Variants in GRIK3 observed in about 807,000 individuals in gnomAD.
GRIK3 encodes glutamate ionotropic receptor kainate type subunit 3.
In GRIK3, 29 loss-of-function variants were observed where a neutral mutation model predicts 102.5. The observed-to-expected ratio is 0.28, with a 90% CI of 0.21 to 0.39. The LOEUF is 0.39. Among genes scored for constraint, GRIK3 ranks in the 10% least tolerant of loss-of-function variants. The probability of loss-of-function intolerance (pLI) is 1.00; values close to 1 mark genes in which losing one functional copy is unlikely to be tolerated. For missense variants in GRIK3, 908 were observed against 1,252.4 expected, an observed-to-expected ratio of 0.73 and a Z score of 4.15; for synonymous variants, 511 against 504.9, an observed-to-expected ratio of 1.01 and a Z score of -0.16.
intron 3 of GRIK3, among the ~76,000 whole-genome samples, chr1:36,878,396 A>G (rs1263419127): frequency 6.6e-6 from 1 of 152,258 alleles, no homozygotes; most frequent in Non-Finnish European, 1.5e-5. Flanking sequence ...AGATGCTTGT[A>G]GAAGCCTGAG....
intron 1 of GRIK3, among the ~76,000 whole-genome samples, chr1:36,894,215 T>C (rs982797929): frequency 3.3e-5 from 5 of 152,232 alleles, no homozygotes; most frequent in Non-Finnish European, 7.3e-5. Flanking sequence ...ATTTACTTTT[T>C]GTCTTTTCTG....
intron 1 of GRIK3, among the ~76,000 whole-genome samples, chr1:36,912,578 A>T (rs552257): frequency 6.6e-6 from 1 of 151,884 alleles, no homozygotes; most frequent in Non-Finnish European, 1.5e-5. Flanking sequence ...AGCCCTCCTC[A>T]CAGGGCTTGC....
intron 1 of GRIK3, among the ~76,000 whole-genome samples, chr1:37,028,768 G>A (rs113636832): frequency 6.6e-6 from 1 of 152,140 alleles, no homozygotes; most frequent in Admixed American, 6.5e-5. Context: ...CACTTCTACC[G>A]CTCACTGGCT....
intron 3 of GRIK3, among the ~76,000 whole-genome samples, chr1:36,876,849 T>C (rs895303758): frequency 4.6e-5 from 7 of 152,238 alleles, no homozygotes; most frequent in African/African-American, 1.7e-4. Flanking sequence ...CACTGACCCA[T>C]TGACTCCCCT....
In GRIK3 at chr1:36,841,829, G is replaced by A. The variant is rs1317626120; in HGVS notation, c.1437C>T (p.Phe479=). The change falls in exon 10 of 16, where the codon TTC becomes TTT. Residue 479 remains phenylalanine (F), a synonymous_variant. Coordinates refer to ENST00000373091, the MANE Select transcript of GRIK3 (RefSeq NM_000831.4). The part of the protein sequence containing the change: ...LLKELAHILG[F]SYEIRLVEDG... Reference sequence around the variant, plus strand: ...CCTCCACCAGCCGGATCTCATAGGAGAAACCAAGGATGTGGGCCAGCTCCT... The same window carrying A: ...CCTCCACCAGCCGGATCTCATAGGAAAAACCAAGGATGTGGGCCAGCTCCT... The A allele has an allele frequency of 1.2e-6, 2 of 1,614,172 alleles. No homozygotes were observed. Among genetic ancestry groups the A allele is most frequent in the Non-Finnish European group, 1.7e-6 (2 of 1,180,018 alleles).
intron 10 of GRIK3, among the ~76,000 whole-genome samples, chr1:36,834,568 C>T (rs180912263): frequency 6.6e-6 from 1 of 152,124 alleles, no homozygotes; most frequent in African/African-American, 2.4e-5. Context: ...GGATGTCTGA[C>T]AGTGAGAAAG....
At chr1:36,905,257 C>A (rs1313691810) in intron 1 of GRIK3, among the ~76,000 whole-genome samples, 3 of 152,122 alleles carry the variant, frequency 2.0e-5, no homozygotes, top group Admixed American at 2.0e-4. Flanking sequence ...AATGGAGAGA[C>A]ATAACTTACT....
At chr1:36,990,619 A>C (rs16823744) in intron 1 of GRIK3, among the ~76,000 whole-genome samples, 47,413 of 152,114 alleles carry the variant, frequency 0.31, 10,598 homozygotes, top group African/African-American at 0.63. Context: ...ACTCAACTTG[A>C]GAAGGAGAAA....
chr1:36,956,056 C>T (rs1641902182), intron 1 of GRIK3, among the ~76,000 whole-genome samples: 2 of 152,230 alleles, frequency 1.3e-5, no homozygotes, highest in South Asian at 2.1e-4. Context: ...CCTGTGGGGG[C>T]TTCAGTGGCT....
At chr1:36,987,424 A>T (rs1319791241) in intron 1 of GRIK3, among the ~76,000 whole-genome samples, 1 of 152,198 alleles carries the variant, frequency 6.6e-6, no homozygotes, top group African/African-American at 2.4e-5. Context: ...GAGGTGAGGC[A>T]GGGAAGGGAA....
In GRIK3 at chr1:36,929,531, G is replaced by T. The variant is rs149012308; in HGVS notation, c.116-38435C>A. Among the ~76,000 whole-genome samples the T allele has an allele frequency of 1.2e-3, 177 of 152,182 alleles. 1 individual carries two copies. Among genetic ancestry groups the T allele is most frequent in the Non-Finnish European group, 1.1e-3 (77 of 68,004 alleles). ...ATTTCTGGAAATCTCAGGCACAAAG[G>T]GTGTCCATCATCATGTGGGTTTGAG... On this transcript the variant is annotated intron_variant, in intron 1 of 15. Transcript: ENST00000373091.
chr1:37,023,326 C>CAA (rs34286119), intron 1 of GRIK3, among the ~76,000 whole-genome samples: 2 of 118,944 alleles, frequency 1.7e-5, no homozygotes, highest in Non-Finnish European at 3.7e-5. Flanking sequence ...GACTCTATCT[C>CAA]AAAAAAAAAA....
chr1:36,850,295 G>C lies in GRIK3; in HGVS notation c.1326+16C>G. On this transcript the variant is annotated intron_variant, in intron 9 of 15. Coordinates refer to ENST00000373091, the MANE Select transcript of GRIK3 (RefSeq NM_000831.4). This position sits in a 1 kb window ranked among gnomAD's most constrained non-coding sequence, Gnocchi z 4.0. Reference sequence around the variant, plus strand: ...CAGGTCGGACAGTCCTTCCTGCAGGGGCTGCAGGCTCTTACCAGCACTGTG... The same window carrying C: ...CAGGTCGGACAGTCCTTCCTGCAGGCGCTGCAGGCTCTTACCAGCACTGTG... 1.3e-6 allele frequency: 2 copies of C among 1,498,054 alleles called. No homozygotes were observed. Among genetic ancestry groups the C allele is most frequent in the Non-Finnish European group, 1.9e-6 (2 of 1,073,880 alleles). 92.8% of individuals were successfully genotyped at this position (1,498,054 alleles called of 1,614,324 possible).
At position 36,806,984 on chromosome 1, in the gene GRIK3, T is replaced by C. The variant is rs532444471; in HGVS notation, c.2092-658A>G. Among the ~76,000 whole-genome samples the C allele has an allele frequency of 6.6e-6, 1 of 152,270 alleles. No homozygotes were observed. Among genetic ancestry groups the C allele is most frequent in the African/African-American group, 2.4e-5 (1 of 41,560 alleles). ...CAATGGAGGCCTCTTTTATGTCCTGTTTCAGGGGAAGATTTTGCCTCAGAC... is the reference window on the plus strand; with the variant it reads ...CAATGGAGGCCTCTTTTATGTCCTGCTTCAGGGGAAGATTTTGCCTCAGAC... On this transcript the variant is annotated intron_variant, in intron 13 of 15. Transcript: ENST00000373091. This position sits in a 1 kb window ranked among gnomAD's most constrained non-coding sequence, Gnocchi z 4.0.
chr1:36,959,037 CTG>C (rs72296051), intron 1 of GRIK3, among the ~76,000 whole-genome samples: 29,179 of 102,496 alleles, frequency 0.28, 7,932 homozygotes, highest in East Asian at 0.61. Context: ...CCTGTGTGCC[CTG>C]TGAGTCTGTG....
At chr1:36,893,062 G>A (rs1196131348) in intron 1 of GRIK3, among the ~76,000 whole-genome samples, 2 of 152,064 alleles carry the variant, frequency 1.3e-5, no homozygotes, top group Non-Finnish European at 2.9e-5. Context: ...GGTAAGGGGA[G>A]GAGCAGAAAA....
chr1:36,876,193 T>TA (rs1421162988), intron 3 of GRIK3, among the ~76,000 whole-genome samples: 1 of 152,044 alleles, frequency 6.6e-6, no homozygotes, highest in Non-Finnish European at 1.5e-5. Context: ...TCTGACTCTA[T>TA]AAAAAAATTT....
intron 10 of GRIK3, among the ~76,000 whole-genome samples, chr1:36,832,922 A>G (rs1640326846): frequency 6.6e-6 from 1 of 152,144 alleles, no homozygotes; most frequent in Admixed American, 6.5e-5. Flanking sequence ...CCCCAAGGCT[A>G]GGTCCTGGTT....
chr1:36,859,007 T>A, intron 7 of GRIK3, 101 bp downstream of exon 7: 1 of 1,079,692 alleles, frequency 9.3e-7, no homozygotes, highest in Non-Finnish European at 1.3e-6. Context: ...TGAGGTCACA[T>A]GGATGAGAAT....
Sources: gnomAD v4.1 joint callset for allele counts (sites outside exome capture counted in the v4.1 genomes callset) on GRCh38, gnomAD v4.1.1 for gene constraint, Gnocchi (gnomAD v3.1) non-coding constraint, MANE v1.5 for transcripts, NCBI Gene and HGNC (gene_info 2026-07-23, HGNC 2026-07-21) for gene names.